The following GABRB1 variants were observed in gnomAD, a reference collection of about 807,000 sequenced individuals.
The protein encoded by GABRB1 is gamma-aminobutyric acid receptor subunit beta-1.
Under a neutral mutation model 51.6 loss-of-function variants are expected in GABRB1, and 17 were observed. The observed-to-expected ratio is 0.33, with a 90% CI of 0.23 to 0.49. The LOEUF (loss-of-function observed/expected upper bound fraction) is 0.49. Ranked by LOEUF, GABRB1 falls within the 20% of genes least tolerant of loss-of-function variation. GABRB1 has a pLI of 0.99. For synonymous variants in GABRB1, 247 were observed against 218.9 expected (o/e 1.13, Z -1.14); for missense variants, 410 against 600.6 (o/e 0.68, Z 3.32).
intron 5 of GABRB1, among the ~76,000 whole-genome samples, chr4:47,336,473 T>G (rs967813348): frequency 3.3e-5 from 5 of 152,170 alleles, no homozygotes; most frequent in Non-Finnish European, 7.4e-5. Context: ...AAGGAGGAAG[T>G]GTTGTTACCA....
chr4:47,244,119 T>G (rs1721648864), intron 4 of GABRB1, among the ~76,000 whole-genome samples: 1 of 152,226 alleles, frequency 6.6e-6, no homozygotes, highest in Non-Finnish European at 1.5e-5. Flanking sequence ...GTCGAAGGCC[T>G]TTTCTGCATC....
chr4:47,005,067 T>A (rs1271957404), intron 1 of GABRB1, among the ~76,000 whole-genome samples: 1 of 152,148 alleles, frequency 6.6e-6, no homozygotes, highest in African/African-American at 2.4e-5. Context: ...CCTGGCTTTG[T>A]GACTCCTAGG....
chr4:47,200,301 T>C (rs1221894301), intron 4 of GABRB1, among the ~76,000 whole-genome samples: 1 of 152,078 alleles, frequency 6.6e-6, no homozygotes, highest in Admixed American at 6.6e-5. Context: ...AATCACAAAG[T>C]CAAGAGCATG....
intron 1 of GABRB1, among the ~76,000 whole-genome samples, chr4:46,996,584 T>C (rs1298906361): frequency 1.3e-5 from 2 of 152,310 alleles, no homozygotes; most frequent in East Asian, 3.9e-4. Flanking sequence ...AACTGTAGTA[T>C]GGACCAACAT....
chr4:47,109,424 A>T (rs1012764440), intron 3 of GABRB1, among the ~76,000 whole-genome samples: 4 of 152,118 alleles, frequency 2.6e-5, no homozygotes, highest in African/African-American at 9.7e-5. Context: ...ATATACTCAC[A>T]ATTTTATGTG....
chr4:47,308,077 A>G (rs1252437948), intron 4 of GABRB1, among the ~76,000 whole-genome samples: 1 of 151,992 alleles, frequency 6.6e-6, no homozygotes, highest in Non-Finnish European at 1.5e-5. Flanking sequence ...CAAAATGTGG[A>G]AAAATAATAT....
At chr4:47,228,990 A>T (rs1278012998) in intron 4 of GABRB1, among the ~76,000 whole-genome samples, 1 of 152,164 alleles carries the variant, frequency 6.6e-6, no homozygotes, top group African/African-American at 2.4e-5. Flanking sequence ...AGTGTCTACT[A>T]TTGCCAGGCA....
chr4:47,114,904 T>C (rs1054161637), intron 3 of GABRB1, among the ~76,000 whole-genome samples: 1 of 152,228 alleles, frequency 6.6e-6, no homozygotes, highest in Non-Finnish European at 1.5e-5. Context: ...CTTAAAACTG[T>C]CTCCAGCTTC....
intron 4 of GABRB1, among the ~76,000 whole-genome samples, chr4:47,201,198 C>A (rs1719883318): frequency 6.6e-6 from 1 of 152,074 alleles, no homozygotes. Flanking sequence ...GGGAGACCAT[C>A]TTTTATATCA....
chr4:47,169,901 C>T (rs923827188), intron 4 of GABRB1, among the ~76,000 whole-genome samples: 18 of 152,138 alleles, frequency 1.2e-4, no homozygotes, highest in African/African-American at 3.1e-4. Flanking sequence ...TCTAGGAAGA[C>T]AGTTGTCTAT....
chr4:47,032,072 T>TAAA, intron 2 of GABRB1, 67 bp downstream of exon 2: 2 of 713,144 alleles, frequency 2.8e-6, no homozygotes, highest in South Asian at 2.3e-5. Flanking sequence ...AAGATAAATG[T>TAAA]CAAAAAAAAA....
At chr4:47,380,256 A>G (rs1196347382) in intron 5 of GABRB1, among the ~76,000 whole-genome samples, 1 of 152,246 alleles carries the variant, frequency 6.6e-6, no homozygotes, top group African/African-American at 2.4e-5. Flanking sequence ...TTGCCTGCCA[A>G]GTAATAACTT....
chr4:47,002,408 A>G (rs1033548734), intron 1 of GABRB1, among the ~76,000 whole-genome samples: 1 of 152,170 alleles, frequency 6.6e-6, no homozygotes, highest in Non-Finnish European at 1.5e-5. Flanking sequence ...TTTACTGGTG[A>G]TATGAAGGAA....
intron 2 of GABRB1, 91 bp downstream of exon 2, chr4:47,032,096 T>C: frequency 1.2e-6 from 1 of 810,972 alleles, no homozygotes; most frequent in South Asian, 1.5e-5. Flanking sequence ...AGAAAAGGCA[T>C]GTCATTTTCG....
chr4:47,002,809 T>C (rs1724269527), intron 1 of GABRB1, among the ~76,000 whole-genome samples: 2 of 152,192 alleles, frequency 1.3e-5, no homozygotes, highest in Admixed American at 1.3e-4. Flanking sequence ...TTCATTACCA[T>C]CTGGTGGCTA....
intron 5 of GABRB1, among the ~76,000 whole-genome samples, chr4:47,370,037 A>G (rs1276160851): frequency 2.6e-5 from 4 of 152,138 alleles, no homozygotes; most frequent in Non-Finnish European, 1.5e-5. Context: ...TCAATTTCCT[A>G]AAGAACTGTC....
chr4:47,074,734 G>A (rs1727477704), intron 3 of GABRB1, among the ~76,000 whole-genome samples: 1 of 152,138 alleles, frequency 6.6e-6, no homozygotes, highest in Non-Finnish European at 1.5e-5. Flanking sequence ...TACCTAGCAT[G>A]CGAATATATA....
chr4:47,041,385 G>C (rs1435501602), intron 3 of GABRB1, among the ~76,000 whole-genome samples: 1 of 152,084 alleles, frequency 6.6e-6, no homozygotes, highest in Non-Finnish European at 1.5e-5. Flanking sequence ...GAGAAAGACA[G>C]AGAAACAGCT....
rs558875324 is a variant in GABRB1, at chr4:47,013,981, T to A, written c.-19-17933T>A. Among the ~76,000 whole-genome samples, 4 of 152,286 alleles carry A rather than the reference T, an allele frequency of 2.6e-5. No homozygotes were observed. The East Asian group carries it at 7.7e-4, about 29-fold the overall frequency. ...TTGTCCAAGAAATTTTTCTCTAAAA[T>A]AATGTCACAAAATTTTGTCCCATTT... On this transcript the variant is annotated intron_variant, in intron 1 of 3. Coordinates refer to the GABRB1 transcript ENST00000513567.
Sources: allele counts gnomAD v4.1 joint callset (sites outside exome capture counted in the v4.1 genomes callset), GRCh38; gene constraint gnomAD v4.1.1; transcripts MANE v1.5; gene names NCBI Gene and HGNC (gene_info 2026-07-23, HGNC 2026-07-21).